The following AFF3 variants were observed in gnomAD, a reference collection of about 807,000 sequenced individuals.
AFF3 encodes the protein ALF transcription elongation factor 3, also known as AF4/FMR2 family member 3.
Under a neutral mutation model 129.7 loss-of-function variants are expected in AFF3, and 32 were observed. The ratio of observed to expected loss-of-function variants is 0.25; its 90% CI spans 0.19 to 0.33. The LOEUF (loss-of-function observed/expected upper bound fraction) is 0.33. Among genes scored for constraint, AFF3 ranks in the 10% least tolerant of loss-of-function variants. The pLI, the probability that AFF3 is intolerant of heterozygous loss-of-function variation, is 1.00. For synonymous variants in AFF3, 644 were observed against 635.4 expected (o/e 1.01, Z -0.20); for missense variants, 1,373 against 1,592.0 (o/e 0.86, Z 2.34).
chr2:99,643,480 C>G (rs1467672115), intron 13 of AFF3, among the ~76,000 whole-genome samples: 1 of 152,186 alleles, frequency 6.6e-6, no homozygotes, highest in Non-Finnish European at 1.5e-5. Flanking sequence ...GGAACCTTAA[C>G]ACTTTCTTAA....
chr2:99,592,278 C>T (rs1049977189), intron 15 of AFF3, among the ~76,000 whole-genome samples: 1 of 152,212 alleles, frequency 6.6e-6, no homozygotes, highest in Non-Finnish European at 1.5e-5. Context: ...GCTTCCATTC[C>T]TGACCCTGGA....
At chr2:99,575,414 ATTTTTT>A (rs540441950) in intron 18 of AFF3, among the ~76,000 whole-genome samples, 2 of 127,472 alleles carry the variant, frequency 1.6e-5, no homozygotes, top group African/African-American at 3.1e-5. Flanking sequence ...TGCCTGGCTA[ATTTTTT>A]TTTTTTTTTT....
chr2:99,831,168 T>C (rs1688494968), intron 8 of AFF3, among the ~76,000 whole-genome samples: 1 of 152,238 alleles, frequency 6.6e-6, no homozygotes, highest in Non-Finnish European at 1.5e-5. Flanking sequence ...TGGGTTTTTT[T>C]CTCATCAACC....
chr2:99,598,366 T>G (rs1223298721), intron 14 of AFF3, among the ~76,000 whole-genome samples: 1 of 152,078 alleles, frequency 6.6e-6, no homozygotes, highest in Non-Finnish European at 1.5e-5. Flanking sequence ...GGCTGTACAG[T>G]GCCTGGAAAG....
intron 13 of AFF3, among the ~76,000 whole-genome samples, chr2:99,646,535 G>A (rs1013610507): frequency 6.6e-6 from 1 of 152,196 alleles, no homozygotes; most frequent in Non-Finnish European, 1.5e-5. Flanking sequence ...AGGATGGTTT[G>A]TGTAAATGAA....
At chr2:99,747,289 C>G (rs1444116023) in intron 9 of AFF3, among the ~76,000 whole-genome samples, 1 of 152,084 alleles carries the variant, frequency 6.6e-6, no homozygotes, top group Non-Finnish European at 1.5e-5. Flanking sequence ...CTCGGCCTCC[C>G]AAAGTGCTGG....
intron 7 of AFF3, among the ~76,000 whole-genome samples, chr2:99,943,373 C>T (rs1454219378): frequency 3.3e-5 from 5 of 152,178 alleles, no homozygotes; most frequent in South Asian, 2.1e-4. Flanking sequence ...GATGACATCC[C>T]TAATCTTTTG....
intron 11 of AFF3, among the ~76,000 whole-genome samples, chr2:99,717,553 T>C (rs1324197929): frequency 6.6e-6 from 1 of 152,234 alleles, no homozygotes; most frequent in Non-Finnish European, 1.5e-5. Context: ...AAAGCTTTTG[T>C]CCATTTAAGA....
At chr2:99,947,135 T>A (rs1382685933) in intron 7 of AFF3, among the ~76,000 whole-genome samples, 1 of 152,124 alleles carries the variant, frequency 6.6e-6, no homozygotes, top group Non-Finnish European at 1.5e-5. Context: ...ATATACGGGA[T>A]ATAAAGTCAG....
chr2:99,927,712 T>C lies in AFF3; in HGVS notation c.873+78920A>G, dbSNP rs190601277. ...TTTACCTATGTAACAAACTTGCCCA[T>C]GTACCCCTGAACTTAAAATAAAAGT... On this transcript the variant is annotated intron_variant, in intron 7 of 24. Transcript: ENST00000672756. Among the ~76,000 whole-genome samples, 98 of 152,328 alleles carry C rather than the reference T, an allele frequency of 6.4e-4. 3 individuals are homozygous for C. The South Asian group carries it at 0.017, about 26-fold the overall frequency.
chr2:99,914,344 T>C (rs1284071575), intron 7 of AFF3, among the ~76,000 whole-genome samples: 3 of 152,054 alleles, frequency 2.0e-5, no homozygotes, highest in Non-Finnish European at 4.4e-5. Flanking sequence ...TCTTCAAAAA[T>C]GTAAAGTTTG....
intron 7 of AFF3, among the ~76,000 whole-genome samples, chr2:99,859,630 T>C (rs1690820900): frequency 6.6e-6 from 1 of 152,272 alleles, no homozygotes; most frequent in Admixed American, 6.5e-5. Flanking sequence ...GTGTTCATTT[T>C]CTGTCTACTT....
intron 8 of AFF3, among the ~76,000 whole-genome samples, chr2:99,819,355 T>A (rs1163054123): frequency 6.6e-6 from 1 of 152,234 alleles, no homozygotes; most frequent in Non-Finnish European, 1.5e-5. Flanking sequence ...TTTCTTAGCG[T>A]TAAATACAAT....
intron 11 of AFF3, among the ~76,000 whole-genome samples, chr2:99,701,801 C>T (rs1676891528): frequency 6.6e-6 from 1 of 152,228 alleles, no homozygotes; most frequent in Non-Finnish European, 1.5e-5. Context: ...GTCTTTCATG[C>T]CAGCCCTGTA....
intron 13 of AFF3, chr2:99,630,626 G>A (rs1297934212): frequency 6.5e-6 from 1 of 153,216 alleles, no homozygotes; most frequent in Non-Finnish European, 1.5e-5. Flanking sequence ...CACATGGCTG[G>A]GGAGGCCTCA....
At chr2:99,628,501 G>A (rs1189623639) in intron 13 of AFF3, among the ~76,000 whole-genome samples, 1 of 151,966 alleles carries the variant, frequency 6.6e-6, no homozygotes, top group East Asian at 1.9e-4. Context: ...CGTGTCATCT[G>A]CAAACAAAGA....
intron 8 of AFF3, among the ~76,000 whole-genome samples, chr2:99,767,697 C>T (rs1474518368): frequency 2.0e-5 from 3 of 152,182 alleles, no homozygotes; most frequent in African/African-American, 7.2e-5. Flanking sequence ...GTGGCTCACG[C>T]CTGTCATCTC....
At chr2:99,696,623 C>T (rs1676294372) in intron 11 of AFF3, among the ~76,000 whole-genome samples, 1 of 152,114 alleles carries the variant, frequency 6.6e-6, no homozygotes, top group South Asian at 2.1e-4. Flanking sequence ...TATAGCACAG[C>T]ATGTGCTTTC....
chr2:99,745,945 A>T (rs979867114), intron 9 of AFF3, among the ~76,000 whole-genome samples: 1 of 152,160 alleles, frequency 6.6e-6, no homozygotes, highest in African/African-American at 2.4e-5. Flanking sequence ...ACATAGAGTG[A>T]TATGATGAAC....
Sources: allele counts gnomAD v4.1 joint callset (sites outside exome capture counted in the v4.1 genomes callset), GRCh38; gene constraint gnomAD v4.1.1; transcripts MANE v1.5; gene names NCBI Gene and HGNC (gene_info 2026-07-23, HGNC 2026-07-21).